Variants in RUFY3 observed in about 807,000 individuals in gnomAD.
RUFY3 encodes the protein protein RUFY3.
RUFY3 carries 34 observed loss-of-function variants against 84.0 expected under a neutral mutation model. That is an observed-to-expected ratio of 0.40 (90% CI 0.31 to 0.54). The LOEUF (loss-of-function observed/expected upper bound fraction) is 0.54, where lower values mean the gene tolerates loss of function less well. RUFY3 is among the 20% of genes least tolerant of loss of function. The probability of loss-of-function intolerance (pLI) is 0.39; values close to 1 mark genes in which losing one functional copy is unlikely to be tolerated. For missense variants in RUFY3, 507 were observed against 736.8 expected (o/e 0.69, Z 3.61); for synonymous variants, 242 against 252.9 (o/e 0.96, Z 0.41).
At chr4:70,709,057 C>CA (rs1303352124) in intron 1 of RUFY3, among the ~76,000 whole-genome samples, 1 of 151,582 alleles carries the variant, frequency 6.6e-6, no homozygotes, top group Non-Finnish European at 1.5e-5. Context: ...GATGCTGTTT[C>CA]AAAAAAAAGT....
At chr4:70,741,738 C>T (rs1184729636) in intron 1 of RUFY3, 6 of 1,281,676 alleles carry the variant, frequency 4.7e-6, no homozygotes, top group Non-Finnish European at 6.2e-6. Context: ...AATTTTCTAA[C>T]CACCTTTTAA....
chr4:70,780,524 C>G (rs1328915777), intron 8 of RUFY3, among the ~76,000 whole-genome samples: 1 of 152,162 alleles, frequency 6.6e-6, no homozygotes, highest in Non-Finnish European at 1.5e-5. Context: ...AGCTCCCGGC[C>G]TCAGGTGATC....
intron 15 of RUFY3, 121 bp from the exon 16 acceptor site, chr4:70,802,835 A>G (rs1216738118): frequency 1.4e-5 from 9 of 647,340 alleles, no homozygotes; most frequent in African/African-American, 1.3e-4. Context: ...AAGTAATATA[A>G]AAGACCTACA....
At chr4:70,721,397 A>C (rs1430649876), upstream of RUFY3, among the ~76,000 whole-genome samples, 1 of 151,466 alleles carries the variant, frequency 6.6e-6, no homozygotes, top group Non-Finnish European at 1.5e-5. Flanking sequence ...TAATTGGGAA[A>C]GATTTTACTT....
chr4:70,719,133 G>GT (rs1741989454), upstream of RUFY3, among the ~76,000 whole-genome samples: 1 of 152,182 alleles, frequency 6.6e-6, no homozygotes, highest in African/African-American at 2.4e-5. Context: ...AAAGAACAGC[G>GT]TAGAAGTACA....
chr4:70,791,857 T>C, intron 12 of RUFY3: 1 of 985,704 alleles, frequency 1.0e-6, no homozygotes, highest in Non-Finnish European at 1.2e-6. Flanking sequence ...TCACTACACT[T>C]CTATTCTCAG....
In RUFY3 at chr4:70,807,878, G is replaced by C. The variant is rs928685313; in HGVS notation, c.*1219G>C. On this transcript the variant is annotated 3_prime_UTR_variant, in exon 18 of 18. Transcript: ENST00000381006. ...TTTTGAATAAGGAATTCCTTATTCT[G>C]AGTGAGTCACGAATGAGAGCTGATA... is the stretch of plus-strand genomic sequence containing the variant. Among the ~76,000 whole-genome samples, 3 of 152,064 alleles carry C rather than the reference G, an allele frequency of 2.0e-5. No individual in the cohort carries two copies. Among genetic ancestry groups the C allele is most frequent in the African/African-American group, 7.2e-5 (3 of 41,398 alleles).
chr4:70,723,573 C>T (rs575277818), intron 1 of RUFY3, among the ~76,000 whole-genome samples: 2 of 152,132 alleles, frequency 1.3e-5, no homozygotes, highest in South Asian at 4.1e-4. Context: ...TCTGCTTCTA[C>T]CCTTTAATTC....
At chr4:70,793,352 C>A in intron 12 of RUFY3, 1 of 1,012,924 alleles carries the variant, frequency 9.9e-7, no homozygotes, top group Non-Finnish European at 1.2e-6. Context: ...AAGGTAGTTG[C>A]CCATTTACAA....
chr4:70,746,921 A>T (rs558010037), intron 1 of RUFY3, among the ~76,000 whole-genome samples: 4 of 152,322 alleles, frequency 2.6e-5, no homozygotes, highest in African/African-American at 9.6e-5. Context: ...AGATGTGGGC[A>T]TGGCTATAAA....
At chr4:70,755,135 C>A (rs1024870779) in intron 1 of RUFY3, among the ~76,000 whole-genome samples, 2 of 152,136 alleles carry the variant, frequency 1.3e-5, no homozygotes, top group African/African-American at 4.8e-5. Flanking sequence ...AACTTTTGAC[C>A]TCAGATGATC....
chr4:70,778,230 G>A (rs921857259), intron 7 of RUFY3, 139 bp from the exon 8 acceptor site: 9 of 365,104 alleles, frequency 2.5e-5, no homozygotes, highest in Middle Eastern at 1.4e-3. Flanking sequence ...ACGAGACTCC[G>A]TCTAAAAATA....
intron 1 of RUFY3, among the ~76,000 whole-genome samples, chr4:70,733,086 AGAGAGAGAG>A (rs1719592866): frequency 2.1e-5 from 2 of 93,164 alleles, no homozygotes; most frequent in Non-Finnish European, 4.0e-5. Context: ...AGAGAGAGAG[AGAGAGAGAG>A]GAGAGAGAGA....
At chr4:70,717,652 C>T (rs1047346881), upstream of RUFY3, among the ~76,000 whole-genome samples, 2 of 151,580 alleles carry the variant, frequency 1.3e-5, no homozygotes, top group Non-Finnish European at 2.9e-5. Flanking sequence ...ATTTAACATC[C>T]GGGGATGAGG....
rs532087871 is a variant in RUFY3 at position 70,771,176 on chromosome 4, C to T, written c.697-2335C>T. 8.5e-5 allele frequency among the ~76,000 whole-genome samples: 13 copies of T among 152,110 alleles called. No individual in the cohort carries two copies. The South Asian group carries it at 1.0e-3, about 12-fold the overall frequency. On this transcript the variant is annotated intron_variant, in intron 5 of 17. Coordinates refer to ENST00000381006, the MANE Select transcript of RUFY3 (RefSeq NM_001037442.4). ...TGTGAGAGTTACCAAAATGTGAAAC[C>T]GAGACATGAAGCGAGCACATGCTGT...
intron 3 of RUFY3, 108 bp downstream of exon 3, chr4:70,763,777 T>G: frequency 7.5e-7 from 1 of 1,339,614 alleles, no homozygotes; most frequent in Non-Finnish European, 1.0e-6. Flanking sequence ...TTTATAACAA[T>G]CCAAAATGCA....
At chr4:70,778,860 G>A (rs1024314807) in intron 8 of RUFY3, among the ~76,000 whole-genome samples, 21 of 152,072 alleles carry the variant, frequency 1.4e-4, no homozygotes, top group African/African-American at 4.6e-4. Context: ...GATTACAGGC[G>A]TGAGCCACCT....
chr4:70,724,954 ACTC>A (rs907079910), intron 1 of RUFY3, among the ~76,000 whole-genome samples: 6 of 152,146 alleles, frequency 3.9e-5, no homozygotes, highest in African/African-American at 1.4e-4. Context: ...ACAAAATGGA[ACTC>A]CTGATGTCTG....
Position 70,784,856 on chromosome 4 carries a change from A to G in RUFY3, c.1048A>G (p.Lys350Glu). 1 of 1,606,204 alleles carries G rather than the reference A, an allele frequency of 6.2e-7. No individual in the cohort carries two copies. The highest frequency in any genetic ancestry group is 8.5e-7 in the Non-Finnish European group (1 of 1,176,570). The change falls in exon 10 of 18, where the codon AAA (lysine) becomes GAA (glutamate). Residue 350 changes from lysine (K) to glutamate (E), a missense_variant. Around this residue, in one of 4 missense-constraint regions of RUFY3, gnomAD observed 334 missense variants for 364.1 expected, o/e 0.92. Transcript: ENST00000381006. ...ACTAAGTGAAGCAAGAAAGCATTTA[A>G]AAGAAGAGACACAATTACGATTGGT... ...QALSEARKHL[K>E]EETQLRLDVE...
Sources: allele counts gnomAD v4.1 joint callset (sites outside exome capture counted in the v4.1 genomes callset), GRCh38; gene constraint gnomAD v4.1.1; regional missense constraint gnomAD v4.1.1; transcripts MANE v1.5; gene names NCBI Gene and HGNC (gene_info 2026-07-23, HGNC 2026-07-21).